Variants in ABHD18 observed in about 807,000 individuals in gnomAD.
ABHD18 encodes cardiolipin-specific deacylase, mitochondrial.
Under a neutral mutation model 65.9 loss-of-function variants are expected in ABHD18, and 55 were observed. The ratio of observed to expected loss-of-function variants is 0.84; its 90% confidence interval spans 0.67 to 1.05. The LOEUF (loss-of-function observed/expected upper bound fraction) is 1.05. ABHD18 is among the 50% of genes least tolerant of loss of function. The probability of loss-of-function intolerance (pLI) is 0.00; values close to 1 mark genes in which losing one functional copy is unlikely to be tolerated. For synonymous variants in ABHD18, 181 were observed against 180.2 expected (o/e 1.00, Z -0.04); for missense variants, 533 against 558.5 (o/e 0.95, Z 0.46).
intron 4 of ABHD18, among the ~76,000 whole-genome samples, chr4:128,008,065 C>T (rs1050045311): frequency 9.2e-5 from 14 of 151,776 alleles, no homozygotes; most frequent in African/African-American, 2.9e-4. Flanking sequence ...AGTTCAAGAC[C>T]AGTCTGGTCA....
chr4:128,021,512 C>T (rs958595144), intron 10 of ABHD18, among the ~76,000 whole-genome samples: 1 of 151,900 alleles, frequency 6.6e-6, no homozygotes, highest in Non-Finnish European at 1.5e-5. Context: ...AAATTAGCCA[C>T]GTGTGGTGGT....
chr4:127,986,579 A>C (rs1749995357), intron 3 of ABHD18, among the ~76,000 whole-genome samples: 1 of 152,218 alleles, frequency 6.6e-6, no homozygotes, highest in Non-Finnish European at 1.5e-5. Context: ...TGTATACTGA[A>C]GAGTTTAATT....
intron 7 of ABHD18, 72 bp from the exon 8 acceptor site, chr4:128,017,291 T>G: frequency 7.1e-7 from 1 of 1,416,518 alleles, no homozygotes; most frequent in Non-Finnish European, 9.7e-7. Context: ...TCTGGCAGCC[T>G]GTTGTAAATT....
Position 127,996,558 on chromosome 4 carries a change from G to A in ABHD18, c.278+6737G>A, listed in dbSNP as rs188568667. On this transcript the variant is annotated intron_variant, in intron 4 of 12. Transcript: ENST00000645843. ...TACTGATGAGGGTCTATGTCCCGCT[G>A]TACATGCATTGTCTTGATAAACATC... 3.9e-3 allele frequency among the ~76,000 whole-genome samples: 588 copies of A among 152,318 alleles called. 3 individuals are homozygous for A. Among genetic ancestry groups the A allele is most frequent in the African/African-American group, 0.014 (565 of 41,578 alleles).
At chr4:127,978,266 T>G (rs1448375646) in intron 1 of ABHD18, among the ~76,000 whole-genome samples, 2 of 152,106 alleles carry the variant, frequency 1.3e-5, no homozygotes, top group African/African-American at 4.8e-5. Flanking sequence ...GATTTCTAGA[T>G]TTTAAAAATA....
chr4:128,001,225 G>A (rs1752581841), intron 4 of ABHD18, among the ~76,000 whole-genome samples: 1 of 152,134 alleles, frequency 6.6e-6, no homozygotes, highest in South Asian at 2.1e-4. Flanking sequence ...AGTTCTCAAG[G>A]GGAATGCTTC....
chr4:127,986,354 TTTTG>T (rs1360119232), intron 3 of ABHD18, among the ~76,000 whole-genome samples: 21 of 152,344 alleles, frequency 1.4e-4, no homozygotes, highest in African/African-American at 5.0e-4. Context: ...CAGTACTTCT[TTTTG>T]TTTTTGTTTT....
chr4:127,991,684 G>A (rs1417403496), intron 4 of ABHD18, among the ~76,000 whole-genome samples: 1 of 152,062 alleles, frequency 6.6e-6, no homozygotes, highest in African/African-American at 2.4e-5. Flanking sequence ...TGCTGCTTCT[G>A]GTTAGTAGGT....
chr4:128,030,695 G>A, intron 12 of ABHD18, 23 bp downstream of exon 12: 1 of 1,536,520 alleles, frequency 6.5e-7, no homozygotes, highest in Non-Finnish European at 8.7e-7. Context: ...GTCTAAACAT[G>A]TATTCGTTCA....
intron 4 of ABHD18, 93 bp downstream of exon 4, chr4:127,989,914 A>G (rs1750641189): frequency 1.4e-6 from 1 of 714,612 alleles, no homozygotes. Flanking sequence ...TAGGAGTAAC[A>G]AGGCAGGCCT....
chr4:128,015,274 A>G (rs1755293916), intron 7 of ABHD18, among the ~76,000 whole-genome samples: 1 of 152,086 alleles, frequency 6.6e-6, no homozygotes, highest in South Asian at 2.1e-4. Context: ...ATGGTTTGCA[A>G]TTTAAATCAC....
At position 128,011,662 on chromosome 4, in the gene ABHD18, C is replaced by A. The variant is rs1190674566; in HGVS notation, c.443-11C>A. 7.8e-6 allele frequency: 12 copies of A among 1,543,820 alleles called. No homozygotes were observed. Among genetic ancestry groups the A allele is most frequent in the Non-Finnish European group, 1.0e-5 (12 of 1,143,174 alleles). ...TTATTTTAAAACTTTCTCTTTGACCCACATTCTTAAATGGCTGCAGGAAAC... is the reference window on the plus strand; with the variant it reads ...TTATTTTAAAACTTTCTCTTTGACCAACATTCTTAAATGGCTGCAGGAAAC... On this transcript the variant is annotated splice_polypyrimidine_tract_variant and intron_variant, in intron 6 of 12. Coordinates refer to ENST00000645843, the MANE Select transcript of ABHD18 (RefSeq NM_001358451.3).
chr4:128,012,930 G>A (rs1367759373), intron 7 of ABHD18, among the ~76,000 whole-genome samples: 1 of 151,736 alleles, frequency 6.6e-6, no homozygotes, highest in Non-Finnish European at 1.5e-5. Context: ...GCCAGGCATG[G>A]TGGTATGCAC....
intron 7 of ABHD18, among the ~76,000 whole-genome samples, chr4:128,016,191 A>G (rs1755464936): frequency 6.6e-6 from 1 of 151,920 alleles, no homozygotes; most frequent in South Asian, 2.1e-4. Context: ...TGACCTCATG[A>G]TCTGCCCACC....
chr4:128,029,892 C>G (rs1757962445), intron 11 of ABHD18, among the ~76,000 whole-genome samples: 1 of 151,914 alleles, frequency 6.6e-6, no homozygotes, highest in South Asian at 2.1e-4. Flanking sequence ...GAGGCTGAGG[C>G]AGGAGGATCC....
At chr4:128,011,618 GACAA>G (rs1754594329) in intron 6 of ABHD18, 51 bp from the exon 7 acceptor site, 1 of 1,422,492 alleles carries the variant, frequency 7.0e-7, no homozygotes, top group Non-Finnish European at 9.5e-7. Flanking sequence ...TGTACTCTCA[GACAA>G]ACAAAATTAT....
chr4:128,002,133 G>T (rs933178085), intron 4 of ABHD18, among the ~76,000 whole-genome samples: 2 of 152,030 alleles, frequency 1.3e-5, no homozygotes, highest in African/African-American at 4.8e-5. Context: ...AAATTAGCTG[G>T]GCGTGGTGGC....
intron 9 of ABHD18, among the ~76,000 whole-genome samples, chr4:128,020,386 G>A (rs906734569): frequency 6.6e-6 from 1 of 152,172 alleles, no homozygotes; most frequent in Admixed American, 6.5e-5. Flanking sequence ...AGGAAACCAA[G>A]AACAAGCTTC....
chr4:127,982,939 A>T lies in ABHD18; in HGVS notation c.-17A>T, dbSNP rs761686345. On this transcript the variant is annotated splice_region_variant and 5_prime_UTR_variant, in exon 2 of 13. An upstream start codon of the reference 5' UTR is lost. Transcript: ENST00000645843. ...AGCCATTTTAAATTTTGTTTTATAG[A>T]TGCTTGTTTGCTACTGATGGGTGTG... 41 of 1,491,080 alleles carry T rather than the reference A, an allele frequency of 2.7e-5. No individual in the cohort carries two copies. Among genetic ancestry groups the T allele is most frequent in the Middle Eastern group, 1.7e-4 (1 of 5,818 alleles). 92.4% of individuals were successfully genotyped at this position (1,491,080 alleles called of 1,614,324 possible). A position where few individuals can be genotyped will look rare whatever the true frequency, so the allele number is the denominator to read the frequency against.
Sources: allele counts gnomAD v4.1 joint callset (sites outside exome capture counted in the v4.1 genomes callset), GRCh38; gene constraint gnomAD v4.1.1; transcripts MANE v1.5; gene names NCBI Gene and HGNC (gene_info 2026-07-23, HGNC 2026-07-21).